Variants in HPSE2 observed in about 807,000 individuals in gnomAD.
HPSE2 encodes the protein heparanase 2 (inactive), also known as inactive heparanase-2.
HPSE2 carries 38 observed loss-of-function variants against 60.5 expected under a neutral mutation model. The observed-to-expected ratio is 0.63, with a 90% confidence interval of 0.48 to 0.82. HPSE2 has a LOEUF of 0.82. HPSE2 is among the 40% of genes least tolerant of loss of function. The probability of loss-of-function intolerance (pLI) is 0.00; values close to 1 mark genes in which losing one functional copy is unlikely to be tolerated. For synonymous variants in HPSE2, 295 were observed against 293.2 expected, an observed-to-expected ratio of 1.01 and a Z score of -0.06; for missense variants, 713 against 740.4, an observed-to-expected ratio of 0.96 and a Z score of 0.43.
chr10:98,825,503 G>C (rs1233704352), intron 3 of HPSE2, among the ~76,000 whole-genome samples: 1 of 151,676 alleles, frequency 6.6e-6, no homozygotes, highest in African/African-American at 2.4e-5. Context: ...TCTGAACCTA[G>C]TCACTGAAGC....
At chr10:99,143,369 C>T (rs1845934175) in intron 3 of HPSE2, among the ~76,000 whole-genome samples, 1 of 152,096 alleles carries the variant, frequency 6.6e-6, no homozygotes, top group African/African-American at 2.4e-5. Context: ...TTAAAGTTTT[C>T]CTAACTTAGA....
chr10:99,083,943 A>G (rs972205943), intron 3 of HPSE2, among the ~76,000 whole-genome samples: 4 of 150,134 alleles, frequency 2.7e-5, no homozygotes, highest in Non-Finnish European at 5.9e-5. Flanking sequence ...GCCCAAAAAA[A>G]CCATATGGGA....
At chr10:98,699,067 G>A (rs1479901865) in intron 5 of HPSE2, among the ~76,000 whole-genome samples, 10 of 151,970 alleles carry the variant, frequency 6.6e-5, no homozygotes, top group Non-Finnish European at 1.2e-4. Flanking sequence ...GAGGTACAAG[G>A]AGGAACTGGT....
chr10:99,251,413 A>G, the HPSE2 span, among the ~76,000 whole-genome samples: 2 of 105,008 alleles, frequency 1.9e-5, no homozygotes, highest in Admixed American at 2.1e-4. Flanking sequence ...TCTACCAGAC[A>G]TACAAAGAAC....
chr10:99,036,272 A>T (rs1957607839), intron 3 of HPSE2, among the ~76,000 whole-genome samples: 1 of 152,074 alleles, frequency 6.6e-6, no homozygotes, highest in Admixed American at 6.5e-5. Context: ...AATAAAAGAA[A>T]CCAGGGATCT....
At chr10:99,212,964 TC>T (rs1564898350) in intron 2 of HPSE2, among the ~76,000 whole-genome samples, 1 of 152,168 alleles carries the variant, frequency 6.6e-6, no homozygotes, top group African/African-American at 2.4e-5. Context: ...TTTATTCCCT[TC>T]CTTTCAAAGA....
At chr10:98,575,021 G>C (rs1431664375) in intron 9 of HPSE2, among the ~76,000 whole-genome samples, 1 of 152,048 alleles carries the variant, frequency 6.6e-6, no homozygotes, top group Non-Finnish European at 1.5e-5. Context: ...CCATTTCCTG[G>C]GAAAGCAGGG....
intron 3 of HPSE2, among the ~76,000 whole-genome samples, chr10:98,814,078 G>A (rs539912956): frequency 6.6e-6 from 1 of 152,240 alleles, no homozygotes; most frequent in African/African-American, 2.4e-5. Flanking sequence ...TGGAGCAAGA[G>A]TTTGAATTTG....
intron 2 of HPSE2, among the ~76,000 whole-genome samples, chr10:99,223,681 T>C (rs1029916197): frequency 6.6e-6 from 1 of 152,234 alleles, no homozygotes; most frequent in Non-Finnish European, 1.5e-5. Flanking sequence ...GTTATATCTA[T>C]ATTGGTTTTT....
intron 3 of HPSE2, among the ~76,000 whole-genome samples, chr10:99,069,122 T>C (rs748806242): frequency 1.3e-5 from 2 of 152,170 alleles, no homozygotes; most frequent in Non-Finnish European, 2.9e-5. Context: ...ATAAGTTCAG[T>C]ACTTCCCTGC....
chr10:99,288,956 T>C, the HPSE2 span, among the ~76,000 whole-genome samples: 1 of 152,164 alleles, frequency 6.6e-6, no homozygotes, highest in Non-Finnish European at 1.5e-5. Context: ...AATATTTTCA[T>C]AGTATTAGTA....
At chr10:99,173,482 G>A (rs1847396863) in intron 2 of HPSE2, among the ~76,000 whole-genome samples, 1 of 152,168 alleles carries the variant, frequency 6.6e-6, no homozygotes, top group African/African-American at 2.4e-5. Context: ...AGGGAACACA[G>A]GAGAAGCCAA....
chr10:98,743,786 C>T, intron 4 of HPSE2, 97 bp downstream of exon 4: 1 of 1,129,996 alleles, frequency 8.8e-7, no homozygotes, highest in Non-Finnish European at 1.3e-6. Context: ...TTTTCTGGGC[C>T]AGGGTACTAG....
chr10:98,708,149 A>T (rs1160585688), intron 5 of HPSE2, among the ~76,000 whole-genome samples: 1 of 152,128 alleles, frequency 6.6e-6, no homozygotes, highest in East Asian at 1.9e-4. Flanking sequence ...AATGTAGTTT[A>T]GTTTCATTAT....
At position 98,675,539 on chromosome 10, in the gene HPSE2, T is replaced by TACACACACAC. The variant is rs774393556; in HGVS notation, c.1004+18351_1004+18360dup. 4.7e-3 allele frequency among the ~76,000 whole-genome samples: 568 copies of TACACACACAC among 121,574 alleles called. 3 individuals carry two copies. The highest frequency in any genetic ancestry group is 0.012 in the African/African-American group (437 of 35,980). 79.8% of individuals were successfully genotyped at this position (121,574 alleles called of 152,430 possible). A position where few individuals can be genotyped will look rare whatever the true frequency, so the allele number is the denominator to read the frequency against. On this transcript the variant is annotated intron_variant, in intron 6 of 11. Transcript: ENST00000370552. ...TAAGCAACACAGTGAGATCCCTGTCTACACACACACACACACACACACACA... is the reference window on the plus strand; with the variant it reads ...TAAGCAACACAGTGAGATCCCTGTCTACACACACACACACACACACACACACACACACACA...
chr10:99,219,992 GAC>G (rs1327239100), intron 2 of HPSE2, among the ~76,000 whole-genome samples: 1 of 152,152 alleles, frequency 6.6e-6, no homozygotes, highest in Non-Finnish European at 1.5e-5. Flanking sequence ...TCTTACAAAT[GAC>G]ACAGTGATAT....
At chr10:98,630,985 G>T (rs1946353004) in intron 7 of HPSE2, among the ~76,000 whole-genome samples, 1 of 152,158 alleles carries the variant, frequency 6.6e-6, no homozygotes. Flanking sequence ...GGTTAGACAA[G>T]CTGGGCTATT....
At chr10:98,488,826 A>G (rs143905972) in intron 10 of HPSE2, among the ~76,000 whole-genome samples, 160 of 152,318 alleles carry the variant, frequency 1.1e-3, no homozygotes, top group African/African-American at 3.7e-3. Flanking sequence ...AGCAAAAGGG[A>G]TGTTGAAAGC....
intron 5 of HPSE2, among the ~76,000 whole-genome samples, chr10:98,709,234 T>G (rs1319971409): frequency 6.6e-6 from 1 of 152,208 alleles, no homozygotes; most frequent in Non-Finnish European, 1.5e-5. Context: ...TGGAATAACA[T>G]GCACACGGAA....
Sources: gnomAD v4.1 joint callset for allele counts (sites outside exome capture counted in the v4.1 genomes callset) on GRCh38, gnomAD v4.1.1 for gene constraint, MANE v1.5 for transcripts, NCBI Gene and HGNC (gene_info 2026-07-23, HGNC 2026-07-21) for gene names.